The following JMJD1C variants were observed in gnomAD, a reference collection of about 807,000 sequenced individuals.
The protein encoded by JMJD1C is jumonji domain-containing protein 1C.
A neutral mutation model predicts 245.3 loss-of-function variants in JMJD1C; 31 were observed. That is an observed-to-expected ratio of 0.13 (90% CI 0.09 to 0.17). The LOEUF is 0.17. Among genes scored for constraint, JMJD1C ranks in the 10% least tolerant of loss-of-function variants. The pLI, the probability that JMJD1C is intolerant of heterozygous loss-of-function variation, is 1.00. For synonymous variants in JMJD1C, 1,057 were observed against 1,017.4 expected (o/e 1.04, Z -0.74); for missense variants, 2,691 against 3,000.2 (o/e 0.90, Z 2.41).
At chr10:63,506,740 T>C (rs1340912442) in intron 1 of JMJD1C, among the ~76,000 whole-genome samples, 3 of 152,186 alleles carry the variant, frequency 2.0e-5, no homozygotes, top group Non-Finnish European at 1.5e-5. Context: ...ATGGTACATT[T>C]GTTACCATCA....
intron 10 of JMJD1C, among the ~76,000 whole-genome samples, chr10:63,206,159 T>TCAAA (rs10694594): frequency 0.021 from 3,274 of 152,280 alleles, 112 homozygotes; most frequent in African/African-American, 0.073. Context: ...GAAATTTGCC[T>TCAAA]CAAAATATGT....
At chr10:63,185,384 G>A (rs1277193215) in intron 20 of JMJD1C, among the ~76,000 whole-genome samples, 179 bp downstream of exon 20, 1 of 150,586 alleles carries the variant, frequency 6.6e-6, no homozygotes. Flanking sequence ...CCCTCGCCTT[G>A]GCCTCCCAAA....
intron 1 of JMJD1C, among the ~76,000 whole-genome samples, chr10:63,383,650 TG>T (rs2134527453): frequency 6.6e-6 from 1 of 152,112 alleles, no homozygotes; most frequent in Admixed American, 6.5e-5. Context: ...CAATGAGCCA[TG>T]ATCACACCAC....
At position 63,207,459 on chromosome 10, in the gene JMJD1C, C is replaced by T. The variant is rs758453317; in HGVS notation, c.4210G>A (p.Asp1404Asn). The stretch of plus-strand genomic sequence containing the variant: ...CCCCAGCTGGAAACACTGGTAGTAT[C>T]GGCAGCAGATGTGATTACATCCGTT... ...TKTDVITSAA[D>N]TTSVSSWGGS... The change falls in exon 10 of 26, where the codon GAT (aspartate) becomes AAT (asparagine). Residue 1404 changes from aspartate (D) to asparagine (N), a missense_variant. Coordinates refer to ENST00000399262, the MANE Select transcript of JMJD1C (RefSeq NM_032776.3). 6.2e-6 allele frequency: 10 copies of T among 1,614,176 alleles called. No homozygotes were observed. The highest frequency in any genetic ancestry group is 4.5e-5 in the East Asian group (2 of 44,886).
intron 2 of JMJD1C, among the ~76,000 whole-genome samples, chr10:63,358,101 G>C (rs969383563): frequency 6.6e-6 from 1 of 151,984 alleles, no homozygotes; most frequent in Non-Finnish European, 1.5e-5. Flanking sequence ...AAAATCCCAA[G>C]TAATTCCAAG....
chr10:63,473,941 G>A (rs1167636890), intron 1 of JMJD1C, among the ~76,000 whole-genome samples: 1 of 151,930 alleles, frequency 6.6e-6, no homozygotes, highest in Non-Finnish European at 1.5e-5. Context: ...TACTCAGGAG[G>A]CTGAGACAGG....
intron 10 of JMJD1C, chr10:63,202,989 C>A: frequency 1.0e-6 from 1 of 984,870 alleles, no homozygotes; most frequent in South Asian, 4.7e-5. Flanking sequence ...GATCACCATA[C>A]CACTGTGAAC....
At chr10:63,221,229 G>A (rs1402397470) in intron 3 of JMJD1C, among the ~76,000 whole-genome samples, 2 of 152,120 alleles carry the variant, frequency 1.3e-5, no homozygotes, top group Non-Finnish European at 2.9e-5. Context: ...CCAAAAGGTA[G>A]CTGAAGTGTA....
intron 1 of JMJD1C, among the ~76,000 whole-genome samples, chr10:63,411,943 T>A (rs1270019094): frequency 6.9e-6 from 1 of 145,764 alleles, no homozygotes; most frequent in Non-Finnish European, 1.5e-5. Flanking sequence ...AGAGACAAGA[T>A]CTTGGCCATG....
chr10:63,516,916 AC>A, intron 1 of JMJD1C, among the ~76,000 whole-genome samples: 1 of 152,192 alleles, frequency 6.6e-6, no homozygotes, highest in Non-Finnish European at 1.5e-5. Context: ...CTCTGTTGTA[AC>A]CATAATTCCA....
At chr10:63,268,474 TAC>T (rs919906987) in intron 2 of JMJD1C, among the ~76,000 whole-genome samples, 7 of 152,214 alleles carry the variant, frequency 4.6e-5, no homozygotes, top group Non-Finnish European at 1.0e-4. Flanking sequence ...TTTTAACATT[TAC>T]AGTTATTAAA....
intron 2 of JMJD1C, among the ~76,000 whole-genome samples, chr10:63,365,570 A>G (rs1300096493): frequency 6.6e-6 from 1 of 152,196 alleles, no homozygotes; most frequent in African/African-American, 2.4e-5. Context: ...GGAGTTCAAG[A>G]TTCAATAATT....
chr10:63,191,123 T>C lies in JMJD1C; in HGVS notation c.6077-15A>G, dbSNP rs765734065. ...TTCTTTGTTTTCTGAAATAGAAAATTTCACAGATTTTGTTTTGTTTTGTTT... is the reference window on the plus strand; with the variant it reads ...TTCTTTGTTTTCTGAAATAGAAAATCTCACAGATTTTGTTTTGTTTTGTTT... On this transcript the variant is annotated splice_polypyrimidine_tract_variant and intron_variant, in intron 16 of 25. Coordinates refer to ENST00000399262, the MANE Select transcript of JMJD1C (RefSeq NM_032776.3). 1.9e-6 allele frequency: 3 copies of C among 1,591,530 alleles called. No individual in the cohort carries two copies. The highest frequency in any genetic ancestry group is 2.6e-6 in the Non-Finnish European group (3 of 1,160,078).
intron 24 of JMJD1C, among the ~76,000 whole-genome samples, chr10:63,169,018 G>A (rs1219837485): frequency 4.6e-5 from 7 of 152,172 alleles, no homozygotes; most frequent in African/African-American, 1.7e-4. Flanking sequence ...AAAAGAAAAT[G>A]AAACTTTGTT....
At chr10:63,322,290 G>A (rs149427543) in intron 2 of JMJD1C, among the ~76,000 whole-genome samples, 377 of 152,186 alleles carry the variant, frequency 2.5e-3, no homozygotes, top group Non-Finnish European at 4.1e-3. Context: ...TAAATTTTCA[G>A]AATTTTTTTC....
At chr10:63,231,577 T>C (rs117561235) in intron 3 of JMJD1C, among the ~76,000 whole-genome samples, 264 of 152,226 alleles carry the variant, frequency 1.7e-3, no homozygotes, top group Non-Finnish European at 3.0e-3. Flanking sequence ...GCAGATCACT[T>C]GAAGTCAGGA....
At chr10:63,188,291 C>T (rs923775219) in intron 18 of JMJD1C, among the ~76,000 whole-genome samples, 2 of 152,056 alleles carry the variant, frequency 1.3e-5, no homozygotes, top group Non-Finnish European at 2.9e-5. Context: ...GAGACCAAGG[C>T]AAAAAAGACA....
At chr10:63,427,725 C>T (rs1950523425) in intron 1 of JMJD1C, 1 of 1,363,346 alleles carries the variant, frequency 7.3e-7, no homozygotes, top group East Asian at 2.3e-5. Flanking sequence ...CCAGAAGTGT[C>T]CAGGAATTTG....
intron 1 of JMJD1C, among the ~76,000 whole-genome samples, chr10:63,445,809 A>C (rs928633855): frequency 6.7e-6 from 1 of 148,804 alleles, no homozygotes; most frequent in African/African-American, 2.5e-5. Flanking sequence ...AAGATAATGT[A>C]GGTTTGAACT....
Sources: gnomAD v4.1 joint callset for allele counts (sites outside exome capture counted in the v4.1 genomes callset) on GRCh38, gnomAD v4.1.1 for gene constraint, MANE v1.5 for transcripts, NCBI Gene and HGNC (gene_info 2026-07-23, HGNC 2026-07-21) for gene names.